CCDC171: variants seen among roughly 807,000 people sequenced by gnomAD.
CCDC171 encodes coiled-coil domain containing 171.
CCDC171 carries 177 observed loss-of-function variants against 168.2 expected under a neutral mutation model. The ratio of observed to expected loss-of-function variants is 1.05; its 90% CI spans 0.93 to 1.19. The LOEUF (loss-of-function observed/expected upper bound fraction) is 1.19. Ranked by LOEUF, CCDC171 falls within the 50% of genes most tolerant of loss-of-function variation. The probability of loss-of-function intolerance (pLI) is 0.00; values close to 1 mark genes in which losing one functional copy is unlikely to be tolerated. For synonymous variants in CCDC171, 687 were observed against 540.8 expected (o/e 1.27, Z -3.75); for missense variants, 1,991 against 1,539.0 (o/e 1.29, Z -4.91).
chr9:15,869,288 A>G (rs1294708729), intron 23 of CCDC171, among the ~76,000 whole-genome samples: 1 of 151,994 alleles, frequency 6.6e-6, no homozygotes, highest in Non-Finnish European at 1.5e-5. Context: ...AAGGTTAAAG[A>G]AGGAGGAAAG....
chr9:15,657,655 G>A (rs572131834), intron 8 of CCDC171, among the ~76,000 whole-genome samples: 32 of 152,144 alleles, frequency 2.1e-4, no homozygotes, highest in Non-Finnish European at 4.7e-4. Flanking sequence ...AAGAGCTGAA[G>A]GTGTAAAGAT....
downstream of CCDC171, among the ~76,000 whole-genome samples, chr9:16,062,361 G>A (rs551500350): frequency 6.6e-6 from 1 of 152,222 alleles, no homozygotes; most frequent in Non-Finnish European, 1.5e-5. Context: ...GAGCGCACAT[G>A]GACACAAAGG....
chr9:15,825,068 G>C (rs1051059283), intron 21 of CCDC171, among the ~76,000 whole-genome samples: 1 of 151,904 alleles, frequency 6.6e-6, no homozygotes, highest in African/African-American at 2.4e-5. Flanking sequence ...ATGGAAGCAG[G>C]ATAGAAAAAA....
chr9:16,072,640 T>C, the CCDC171 span, among the ~76,000 whole-genome samples: 1 of 152,204 alleles, frequency 6.6e-6, no homozygotes, highest in Non-Finnish European at 1.5e-5. Context: ...TCTGATGCTT[T>C]AGCCTCAACT....
At chr9:15,991,255 A>G (rs1300132099) in intron 3 of CCDC171, among the ~76,000 whole-genome samples, 2 of 152,196 alleles carry the variant, frequency 1.3e-5, no homozygotes. Context: ...CGATCAAACT[A>G]GAACTCAGGA....
At chr9:15,782,440 A>G (rs1433936715) in intron 20 of CCDC171, among the ~76,000 whole-genome samples, 1 of 152,170 alleles carries the variant, frequency 6.6e-6, no homozygotes, top group Non-Finnish European at 1.5e-5. Flanking sequence ...AGTCTCTGGG[A>G]CGGATGGATG....
rs2060466224 is a variant in CCDC171, at chr9:15,836,706, A to G, written c.3268-9996A>G. On this transcript the variant is annotated intron_variant, in intron 21 of 25. Coordinates refer to ENST00000380701, the MANE Select transcript of CCDC171 (RefSeq NM_173550.4). ...ATTGCTGTCCTTTTCTCCGATAGGA[A>G]TTGACATTTTGCTTCTAGTCACATT... 2.0e-5 allele frequency among the ~76,000 whole-genome samples: 3 copies of G among 152,198 alleles called. No homozygotes were observed. The South Asian group carries it at 6.2e-4, about 31-fold the overall frequency.
intron 7 of CCDC171, among the ~76,000 whole-genome samples, chr9:15,651,593 A>G (rs919834963): frequency 6.6e-6 from 1 of 152,076 alleles, no homozygotes; most frequent in African/African-American, 2.4e-5. Flanking sequence ...ACGAGTGAGA[A>G]CGTGCGATAT....
At chr9:15,589,827 G>A (rs1485767147) in intron 4 of CCDC171, among the ~76,000 whole-genome samples, 1 of 152,092 alleles carries the variant, frequency 6.6e-6, no homozygotes, top group African/African-American at 2.4e-5. Flanking sequence ...TAGAAAAATA[G>A]GAGAGAAGAG....
chr9:15,925,358 T>C (rs1825774209), intron 25 of CCDC171, among the ~76,000 whole-genome samples: 1 of 151,562 alleles, frequency 6.6e-6, no homozygotes, highest in African/African-American at 2.4e-5. Context: ...GAGTGGTGAC[T>C]TCTACAAAGT....
At chr9:15,557,287 G>T (rs549451307) in intron 1 of CCDC171, among the ~76,000 whole-genome samples, 130 of 152,190 alleles carry the variant, frequency 8.5e-4, no homozygotes, top group African/African-American at 3.0e-3. Context: ...GAAAGTCATT[G>T]GTAGCTTGAT....
chr9:16,085,827 T>C, the CCDC171 span, among the ~76,000 whole-genome samples: 1 of 152,208 alleles, frequency 6.6e-6, no homozygotes. Context: ...ACAAATATAA[T>C]AGAGACCACA....
At chr9:15,798,612 A>G (rs2058669696) in intron 21 of CCDC171, among the ~76,000 whole-genome samples, 2 of 152,102 alleles carry the variant, frequency 1.3e-5, no homozygotes, top group Non-Finnish European at 2.9e-5. Flanking sequence ...AATCAGCAAA[A>G]TGTGACCCAC....
intron 6 of CCDC171, among the ~76,000 whole-genome samples, chr9:15,622,338 A>C (rs962329898): frequency 9.2e-5 from 14 of 152,234 alleles, no homozygotes; most frequent in African/African-American, 3.4e-4. Context: ...TGAATTTAAA[A>C]TGTTTCTTCA....
intron 3 of CCDC171, among the ~76,000 whole-genome samples, chr9:15,980,907 G>T (rs557512776): frequency 6.6e-6 from 1 of 151,662 alleles, no homozygotes; most frequent in Non-Finnish European, 1.5e-5. Context: ...AAAGAAAGAG[G>T]TTTAACTGAA....
intron 21 of CCDC171, among the ~76,000 whole-genome samples, chr9:15,836,242 A>G (rs536098523): frequency 1.1e-4 from 16 of 152,368 alleles, no homozygotes; most frequent in African/African-American, 2.9e-4. Flanking sequence ...TTTCTCACAC[A>G]TTATGCATAT....
At chr9:15,668,803 T>A (rs904878724) in intron 9 of CCDC171, among the ~76,000 whole-genome samples, 1 of 152,154 alleles carries the variant, frequency 6.6e-6, no homozygotes, top group Non-Finnish European at 1.5e-5. Context: ...AAACCTTTTT[T>A]AAAGATGATT....
the CCDC171 span, among the ~76,000 whole-genome samples, chr9:16,089,762 G>C: frequency 1.3e-5 from 2 of 151,218 alleles, no homozygotes; most frequent in Admixed American, 6.6e-5. Flanking sequence ...ATCAAAAAAT[G>C]GGCAAAGGAT....
At chr9:15,917,473 A>T (rs971533373) in intron 24 of CCDC171, among the ~76,000 whole-genome samples, 1 of 114,286 alleles carries the variant, frequency 8.7e-6, no homozygotes, top group African/African-American at 2.6e-5. Flanking sequence ...TTGGATTATT[A>T]TATTCTTTTT....
Sources: allele counts gnomAD v4.1 joint callset (sites outside exome capture counted in the v4.1 genomes callset), GRCh38; gene constraint gnomAD v4.1.1; transcripts MANE v1.5; gene names NCBI Gene and HGNC (gene_info 2026-07-23, HGNC 2026-07-21).